The following PCNX1 variants were observed in gnomAD, a reference collection of about 807,000 sequenced individuals.
PCNX1 encodes the protein pecanex-like protein 1.
A neutral mutation model predicts 242.2 loss-of-function variants in PCNX1; 78 were observed. The ratio of observed to expected loss-of-function variants is 0.32; its 90% CI spans 0.27 to 0.39. The LOEUF (loss-of-function observed/expected upper bound fraction) is 0.39. Ranked by LOEUF, PCNX1 falls within the 10% of genes least tolerant of loss-of-function variation. The pLI, the probability that PCNX1 is intolerant of heterozygous loss-of-function variation, is 1.00. For synonymous variants in PCNX1, 1,024 were observed against 1,032.9 expected, an observed-to-expected ratio of 0.99 and a Z score of 0.17; for missense variants, 2,581 against 2,856.5, an observed-to-expected ratio of 0.90 and a Z score of 2.20.
intron 5 of PCNX1, among the ~76,000 whole-genome samples, chr14:70,972,978 G>A (rs577144069): frequency 2.0e-5 from 3 of 152,160 alleles, no homozygotes; most frequent in Non-Finnish European, 4.4e-5. Flanking sequence ...CTAGCTGGGT[G>A]CGGTGACTTA....
At position 71,114,374 on chromosome 14, in the gene PCNX1, T is replaced by C. The variant is rs2077152240; in HGVS notation, c.*4439T>C. ...AGAACTGTGATTGGAAAGGAATTAA[T>C]TATTATACAAATAAATCTGGTAGGA... On this transcript the variant is annotated 3_prime_UTR_variant, in exon 36 of 36. Coordinates refer to ENST00000304743, the MANE Select transcript of PCNX1 (RefSeq NM_014982.3). The C allele has an allele frequency of 2.0e-5, 3 of 152,216 alleles. No homozygotes were observed. The highest frequency in any genetic ancestry group is 6.5e-5 in the Admixed American group (1 of 15,280). 9.4% of individuals were successfully genotyped at this position (152,216 alleles called of 1,614,324 possible).
chr14:70,965,662 C>CAAA (rs11453401), intron 3 of PCNX1, among the ~76,000 whole-genome samples: 27 of 90,776 alleles, frequency 3.0e-4, no homozygotes, highest in Admixed American at 4.0e-4. Context: ...GACTCCGTCT[C>CAAA]AAAAAAAAAA....
chr14:71,036,275 C>A, intron 19 of PCNX1, 118 bp downstream of exon 19: 4 of 665,540 alleles, frequency 6.0e-6, no homozygotes, highest in African/African-American at 1.8e-5. Context: ...AATCCCTGGG[C>A]TCAAGTGATC....
chr14:71,004,562 C>A (rs946702796), intron 8 of PCNX1, among the ~76,000 whole-genome samples: 15 of 152,152 alleles, frequency 9.9e-5, no homozygotes, highest in African/African-American at 3.6e-4. Context: ...TCCTCCAATC[C>A]CCTGGATCCA....
rs190737125 is a variant in PCNX1, at chr14:70,939,227, G to C, written c.154-7688G>C. 2.7e-3 allele frequency among the ~76,000 whole-genome samples: 408 copies of C among 152,204 alleles called. 1 individual carries two copies. The highest frequency in any genetic ancestry group is 9.4e-3 in the African/African-American group (391 of 41,516). ...TAGTTCTTTTAATTGTGATGTTAGGGTGTCAATTTTAGATCTTTCCTGCTT... is the reference window on the plus strand; with the variant it reads ...TAGTTCTTTTAATTGTGATGTTAGGCTGTCAATTTTAGATCTTTCCTGCTT... On this transcript the variant is annotated intron_variant, in intron 1 of 35. Transcript: ENST00000304743.
In PCNX1 at chr14:70,984,112, T is replaced by G. The variant is rs373778889; in HGVS notation, c.2312-4455T>G. On this transcript the variant is annotated intron_variant, in intron 6 of 35. Coordinates refer to ENST00000304743, the MANE Select transcript of PCNX1 (RefSeq NM_014982.3). ...TACTTGTTTCATACTTTTGTCATCT[T>G]TCTTAAGAATTTAATTTCCTAATAG... 3.6e-3 allele frequency among the ~76,000 whole-genome samples: 551 copies of G among 151,552 alleles called. 3 individuals carry two copies. The highest frequency in any genetic ancestry group is 0.013 in the African/African-American group (534 of 41,516).
chr14:70,989,419 A>C (rs1206650504), intron 7 of PCNX1, among the ~76,000 whole-genome samples: 1 of 151,982 alleles, frequency 6.6e-6, no homozygotes, highest in Non-Finnish European at 1.5e-5. Flanking sequence ...TCCAGTAACT[A>C]CTTTATTCTT....
At chr14:70,979,786 G>A (rs908867265) in intron 6 of PCNX1, among the ~76,000 whole-genome samples, 1 of 151,966 alleles carries the variant, frequency 6.6e-6, no homozygotes, top group Non-Finnish European at 1.5e-5. Context: ...TGGGGGTCAA[G>A]TTTCTAGCCA....
chr14:70,941,516 C>G (rs1387314849), intron 1 of PCNX1, among the ~76,000 whole-genome samples: 2 of 152,212 alleles, frequency 1.3e-5, no homozygotes, highest in African/African-American at 4.8e-5. Flanking sequence ...GGGCACCCGG[C>G]TGTATGAGGT....
intron 1 of PCNX1, among the ~76,000 whole-genome samples, chr14:70,938,298 T>C (rs2140226121): frequency 6.6e-6 from 1 of 152,322 alleles, no homozygotes; most frequent in South Asian, 2.1e-4. Flanking sequence ...TATTTTGAGA[T>C]ACGTCCCATC....
chr14:70,994,427 A>ATATATATATATATATATGTATG (rs930212552), intron 7 of PCNX1, among the ~76,000 whole-genome samples: 3 of 88,712 alleles, frequency 3.4e-5, no homozygotes, highest in Admixed American at 1.2e-4. Flanking sequence ...ATATATATAT[A>ATATATATATATATATATGTATG]TATGTATGTA....
At chr14:71,042,925 A>G (rs2060751545) in intron 19 of PCNX1, among the ~76,000 whole-genome samples, 1 of 151,992 alleles carries the variant, frequency 6.6e-6, no homozygotes, top group South Asian at 2.1e-4. Context: ...TGTTTTCATG[A>G]TGGTGATATC....
Position 70,935,200 on chromosome 14 carries a change from T to C in PCNX1, c.154-11715T>C, listed in dbSNP as rs547547027. On this transcript the variant is annotated intron_variant, in intron 1 of 35. Coordinates refer to ENST00000304743, the MANE Select transcript of PCNX1 (RefSeq NM_014982.3). ...GGTACTGGTTTCCAGTATGTAATGG[T>C]CACCTAAATTTTTATTTTGTTCAAA... Among the ~76,000 whole-genome samples, 27 of 152,316 alleles carry C rather than the reference T, an allele frequency of 1.8e-4. No individual in the cohort carries two copies. In the South Asian group the frequency reaches 5.0e-3, roughly 28 times the overall value.
intron 18 of PCNX1, among the ~76,000 whole-genome samples, chr14:71,034,666 G>C (rs367946545): frequency 3.9e-5 from 6 of 152,126 alleles, no homozygotes; most frequent in Middle Eastern, 3.4e-3. Context: ...CTCAGTTTTA[G>C]GTCATTTTCC....
At chr14:70,952,635 G>A (rs888061451) in intron 2 of PCNX1, among the ~76,000 whole-genome samples, 2 of 152,064 alleles carry the variant, frequency 1.3e-5, no homozygotes, top group African/African-American at 4.8e-5. Context: ...GGTGATGTTT[G>A]TAGCTAGAGT....
chr14:71,015,838 G>A (rs2059948815), intron 11 of PCNX1, among the ~76,000 whole-genome samples: 3 of 152,022 alleles, frequency 2.0e-5, no homozygotes, highest in Admixed American at 6.6e-5. Flanking sequence ...TCAGAAATTG[G>A]CAGATTAGAT....
At chr14:70,935,635 T>G (rs2056971920) in intron 1 of PCNX1, among the ~76,000 whole-genome samples, 1 of 152,254 alleles carries the variant, frequency 6.6e-6, no homozygotes, top group Non-Finnish European at 1.5e-5. Context: ...TGTCTAACAC[T>G]GAGTAATAAT....
At chr14:71,105,579 C>G in intron 33 of PCNX1, 139 bp downstream of exon 33, 1 of 616,564 alleles carries the variant, frequency 1.6e-6, no homozygotes, top group Non-Finnish European at 2.8e-6. Context: ...GAGATGGAGT[C>G]TTGCTCTGGC....
chr14:70,926,582 G>A (rs892969164), intron 1 of PCNX1, among the ~76,000 whole-genome samples: 3 of 151,982 alleles, frequency 2.0e-5, no homozygotes, highest in African/African-American at 4.8e-5. Flanking sequence ...AGAAACCAAG[G>A]GGATTTTAAA....
Sources: gnomAD v4.1 joint callset for allele counts (sites outside exome capture counted in the v4.1 genomes callset) on GRCh38, gnomAD v4.1.1 for gene constraint, MANE v1.5 for transcripts, NCBI Gene and HGNC (gene_info 2026-07-23, HGNC 2026-07-21) for gene names.